The following ADAMTS20 variants were observed in gnomAD, a reference collection of about 807,000 sequenced individuals.
The protein encoded by ADAMTS20 is ADAM metallopeptidase with thrombospondin type 1 motif 20, also known as A disintegrin and metalloproteinase with thrombospondin motifs 20.
ADAMTS20 carries 225 observed loss-of-function variants against 260.1 expected under a neutral mutation model. That is an observed-to-expected ratio of 0.87 (90% CI 0.78 to 0.97). The LOEUF is 0.97. Among genes scored for constraint, ADAMTS20 ranks in the 50% least tolerant of loss-of-function variants. ADAMTS20 has a pLI of 0.00. For synonymous variants in ADAMTS20, 802 were observed against 769.5 expected (o/e 1.04, Z -0.70); for missense variants, 2,400 against 2,337.7 (o/e 1.03, Z -0.55).
chr12:43,367,763 A>T (rs1252709885), intron 37 of ADAMTS20, among the ~76,000 whole-genome samples: 1 of 152,128 alleles, frequency 6.6e-6, no homozygotes, highest in Non-Finnish European at 1.5e-5. Flanking sequence ...TTCACAGATG[A>T]CATCACTGTG....
intron 28 of ADAMTS20, among the ~76,000 whole-genome samples, chr12:43,409,361 G>C (rs2137268154): frequency 6.6e-6 from 1 of 151,864 alleles, no homozygotes; most frequent in Middle Eastern, 3.4e-3. Flanking sequence ...ACAGCACTTT[G>C]GGAGGCCGAG....
At chr12:43,412,323 C>A (rs570506203) in intron 28 of ADAMTS20, among the ~76,000 whole-genome samples, 1 of 152,316 alleles carries the variant, frequency 6.6e-6, no homozygotes, top group African/African-American at 2.4e-5. Context: ...GTTGCTTGAG[C>A]ATTTTTATTT....
chr12:43,396,447 A>G (rs1177798679), intron 29 of ADAMTS20, among the ~76,000 whole-genome samples: 2 of 152,188 alleles, frequency 1.3e-5, no homozygotes, highest in Non-Finnish European at 2.9e-5. Context: ...CTTCTGTTTA[A>G]TACATTATTA....
intron 29 of ADAMTS20, among the ~76,000 whole-genome samples, chr12:43,385,810 T>A (rs1306625123): frequency 6.6e-6 from 1 of 152,166 alleles, no homozygotes; most frequent in Non-Finnish European, 1.5e-5. Flanking sequence ...CATTGGCTAT[T>A]AATTACTACC....
intron 24 of ADAMTS20, 33 bp downstream of exon 24, chr12:43,429,584 G>A: frequency 4.1e-6 from 6 of 1,453,570 alleles, no homozygotes; most frequent in Non-Finnish European, 5.6e-6. Flanking sequence ...TACCATAATA[G>A]AAACACTGTA....
At chr12:43,495,150 C>A (rs1337235943) in intron 4 of ADAMTS20, among the ~76,000 whole-genome samples, 1 of 152,028 alleles carries the variant, frequency 6.6e-6, no homozygotes, top group East Asian at 1.9e-4. Flanking sequence ...AGATGCTGCA[C>A]CTTTATTTAA....
intron 3 of ADAMTS20, among the ~76,000 whole-genome samples, chr12:43,509,681 G>T (rs981506072): frequency 2.0e-5 from 3 of 152,072 alleles, no homozygotes; most frequent in African/African-American, 7.2e-5. Flanking sequence ...TTCAGGTAAG[G>T]GGAGGCAAGT....
At chr12:43,517,875 C>G (rs1943020540) in intron 3 of ADAMTS20, among the ~76,000 whole-genome samples, 1 of 152,018 alleles carries the variant, frequency 6.6e-6, no homozygotes, top group Non-Finnish European at 1.5e-5. Flanking sequence ...AATATAGATA[C>G]TTCTTGAATA....
At chr12:43,417,766 G>A (rs1771902106) in intron 28 of ADAMTS20, among the ~76,000 whole-genome samples, 1 of 152,112 alleles carries the variant, frequency 6.6e-6, no homozygotes, top group Non-Finnish European at 1.5e-5. Flanking sequence ...TAACACTCCA[G>A]GAAAATAAGC....
chr12:43,380,091 C>A (rs974821443), intron 31 of ADAMTS20, among the ~76,000 whole-genome samples: 2 of 151,944 alleles, frequency 1.3e-5, no homozygotes, highest in African/African-American at 4.8e-5. Context: ...GGATTATACA[C>A]CATGACGAAG....
At chr12:43,430,813 A>G (rs1941428293) in intron 22 of ADAMTS20, among the ~76,000 whole-genome samples, 1 of 152,222 alleles carries the variant, frequency 6.6e-6, no homozygotes, top group Non-Finnish European at 1.5e-5. Context: ...TATGCATGTC[A>G]TTTAATATAC....
chr12:43,491,734 C>T (rs1481498771), intron 6 of ADAMTS20, among the ~76,000 whole-genome samples: 1 of 151,990 alleles, frequency 6.6e-6, no homozygotes, highest in African/African-American at 2.4e-5. Context: ...AGCATCAAAA[C>T]GAGGAACAGA....
intron 2 of ADAMTS20, among the ~76,000 whole-genome samples, chr12:43,534,295 A>G (rs1200130371): frequency 2.6e-5 from 4 of 151,422 alleles, no homozygotes; most frequent in African/African-American, 7.3e-5. Context: ...AAAACAAACA[A>G]CCCCATCAAA....
chr12:43,501,479 G>GCACACACACACACACACA lies in ADAMTS20; in HGVS notation c.867+672_867+673insTGTGTGTGTGTGTGTGTG, dbSNP rs746038595. On this transcript the variant is annotated intron_variant, in intron 4 of 38. Coordinates refer to ENST00000389420, the MANE Select transcript of ADAMTS20 (RefSeq NM_025003.5). The stretch of plus-strand genomic sequence containing the variant: ...GGGGGATACGCGCGCGCGCGCGCGC[G>GCACACACACACACACACA]CGCACACACACACACACACACACAT... Among the ~76,000 whole-genome samples, 36 of 67,122 alleles carry GCACACACACACACACACA rather than the reference G, an allele frequency of 5.4e-4. No homozygotes were observed. The East Asian group carries it at 0.012, about 22-fold the overall frequency. The allele number at this position is 67,122 out of a possible 152,430, so 44.0% of individuals were successfully genotyped here. A position where few individuals can be genotyped will look rare whatever the true frequency, so the allele number is the denominator to read the frequency against.
At chr12:43,398,244 CT>C (rs1940742583) in intron 29 of ADAMTS20, among the ~76,000 whole-genome samples, 1 of 152,108 alleles carries the variant, frequency 6.6e-6, no homozygotes, top group Non-Finnish European at 1.5e-5. Context: ...TCATTCATGG[CT>C]TTTGTCCTGT....
At chr12:43,492,358 C>T (rs369841380) in intron 6 of ADAMTS20, 147 bp downstream of exon 6, 16 of 938,810 alleles carry the variant, frequency 1.7e-5, no homozygotes, top group East Asian at 3.0e-5. Flanking sequence ...CCACCCTGGG[C>T]GACAGAGCGA....
chr12:43,377,603 T>G (rs1157006404), intron 31 of ADAMTS20, 41 bp from the exon 32 acceptor site: 2 of 1,535,920 alleles, frequency 1.3e-6, no homozygotes, highest in Non-Finnish European at 1.8e-6. Flanking sequence ...TGTCATTAAC[T>G]TTAGCCAGGG....
At chr12:43,434,416 C>T (rs1565696776) in intron 18 of ADAMTS20, 45 bp from the exon 19 acceptor site, 3 of 1,528,036 alleles carry the variant, frequency 2.0e-6, no homozygotes, top group African/African-American at 1.4e-5. Context: ...GAAAAATTCA[C>T]AGTTAGATGT....
chr12:43,449,643 T>TA (rs997087676), intron 14 of ADAMTS20, among the ~76,000 whole-genome samples: 21 of 151,112 alleles, frequency 1.4e-4, no homozygotes, highest in Admixed American at 2.0e-4. Flanking sequence ...AAATAAAAGT[T>TA]AAAAAAAAAG....
Sources: gnomAD v4.1 joint callset for allele counts (sites outside exome capture counted in the v4.1 genomes callset) on GRCh38, gnomAD v4.1.1 for gene constraint, MANE v1.5 for transcripts, NCBI Gene and HGNC (gene_info 2026-07-23, HGNC 2026-07-21) for gene names.